Variants in PPP2R5E observed in about 807,000 individuals in gnomAD.
PPP2R5E encodes the protein serine/threonine-protein phosphatase 2A 56 kDa regulatory subunit epsilon isoform.
Under a neutral mutation model 65.3 loss-of-function variants are expected in PPP2R5E, and 4 were observed. That is an observed-to-expected ratio of 0.06 (90% CI 0.03 to 0.14). The LOEUF (loss-of-function observed/expected upper bound fraction) is 0.14. PPP2R5E is among the 10% of genes least tolerant of loss of function. PPP2R5E has a pLI of 1.00. For synonymous variants in PPP2R5E, 183 were observed against 187.4 expected (o/e 0.98, Z 0.19); for missense variants, 274 against 556.1 (o/e 0.49, Z 5.10).
chr14:63,503,208 T>C (rs1891983467), intron 2 of PPP2R5E, among the ~76,000 whole-genome samples: 1 of 151,978 alleles, frequency 6.6e-6, no homozygotes. Flanking sequence ...ATCATCAGAG[T>C]GAGCTAGACT....
At chr14:63,378,570 T>C (rs531715964) in intron 13 of PPP2R5E, among the ~76,000 whole-genome samples, 23 of 152,342 alleles carry the variant, frequency 1.5e-4, no homozygotes, top group African/African-American at 5.5e-4. Context: ...TGCTCAGTTA[T>C]CACACGGCTT....
At chr14:63,519,564 G>C (rs1566758656) in intron 2 of PPP2R5E, among the ~76,000 whole-genome samples, 1 of 147,950 alleles carries the variant, frequency 6.8e-6, no homozygotes, top group Non-Finnish European at 1.5e-5. Flanking sequence ...GTGTTGGCCA[G>C]GGGGGTCTCG....
rs1271328674 is a variant in PPP2R5E at position 63,377,060 on chromosome 14, G to GGGGCGGAGATTGTGGT, written c.1305-968_1305-953dup. ...AGTCAGGAGAATCGCTTGAACCCGGGGGGCGGAGATTGTGGTGGACGGAGA... is the reference window on the plus strand; with the variant it reads ...AGTCAGGAGAATCGCTTGAACCCGGGGGGCGGAGATTGTGGTGGGCGGAGATTGTGGTGGACGGAGA... On this transcript the variant is annotated intron_variant, in intron 13 of 13. Transcript: ENST00000337537. 6.6e-5 allele frequency among the ~76,000 whole-genome samples: 10 copies of GGGGCGGAGATTGTGGT among 152,094 alleles called. No homozygotes were observed. The East Asian group carries it at 1.9e-3, about 29-fold the overall frequency.
chr14:63,537,788 T>C (rs777825928), intron 2 of PPP2R5E, among the ~76,000 whole-genome samples: 2 of 152,182 alleles, frequency 1.3e-5, no homozygotes, highest in Non-Finnish European at 2.9e-5. Context: ...CTCATTGTGT[T>C]GTTCATATCC....
intron 2 of PPP2R5E, among the ~76,000 whole-genome samples, chr14:63,470,568 A>C (rs191702514): frequency 2.2e-3 from 337 of 152,114 alleles, no homozygotes; most frequent in African/African-American, 7.4e-3. Flanking sequence ...TTATATTATT[A>C]AAAAATACTT....
At chr14:63,435,591 AC>A (rs1347057458) in intron 3 of PPP2R5E, among the ~76,000 whole-genome samples, 3 of 152,252 alleles carry the variant, frequency 2.0e-5, no homozygotes, top group African/African-American at 7.2e-5. Context: ...AAAAATCCTT[AC>A]AACTCCCTGC....
chr14:63,405,466 T>C (rs1886013631), intron 5 of PPP2R5E, among the ~76,000 whole-genome samples: 1 of 152,232 alleles, frequency 6.6e-6, no homozygotes, highest in Non-Finnish European at 1.5e-5. Flanking sequence ...TTGCATGATC[T>C]GCATAATTTA....
At chr14:63,531,407 T>C (rs1416200484) in intron 2 of PPP2R5E, among the ~76,000 whole-genome samples, 5 of 152,020 alleles carry the variant, frequency 3.3e-5, no homozygotes, top group Admixed American at 2.6e-4. Context: ...GTCCTTGCGA[T>C]GTATACATAT....
intron 11 of PPP2R5E, among the ~76,000 whole-genome samples, chr14:63,385,705 T>C (rs188062874): frequency 1.4e-4 from 21 of 152,312 alleles, no homozygotes; most frequent in Admixed American, 2.0e-4. Flanking sequence ...GTGCTCATTT[T>C]ACAGGTGAGG....
chr14:63,415,027 A>ATATT, intron 5 of PPP2R5E, 113 bp downstream of exon 5: 1 of 560,554 alleles, frequency 1.8e-6, no homozygotes, highest in African/African-American at 2.0e-5. Flanking sequence ...ATATATATAT[A>ATATT]TTTTGTGGGT....
chr14:63,508,491 C>T (rs549224735), intron 2 of PPP2R5E, among the ~76,000 whole-genome samples: 1 of 152,326 alleles, frequency 6.6e-6, no homozygotes, highest in East Asian at 1.9e-4. Flanking sequence ...CTACAATAAG[C>T]CTTTTCCATA....
chr14:63,463,782 G>A lies in PPP2R5E; in HGVS notation c.158-9897C>T, dbSNP rs138860501. On this transcript the variant is annotated intron_variant, in intron 2 of 13. Transcript: ENST00000337537. ...CGGCTACTTTTTTGTATTTTTAGTA[G>A]AGACGGGGTTTCACCGTGTTCGCCA... Among the ~76,000 whole-genome samples, 1,447 of 151,944 alleles carry A rather than the reference G, an allele frequency of 9.5e-3. 30 individuals carry two copies. The highest frequency in any genetic ancestry group is 0.034 in the African/African-American group (1,391 of 41,428).
chr14:63,522,867 T>G (rs1386738227), intron 2 of PPP2R5E, among the ~76,000 whole-genome samples: 3 of 123,226 alleles, frequency 2.4e-5, no homozygotes, highest in South Asian at 2.8e-4. Flanking sequence ...GTGGGGGGGG[T>G]CAGCCCCCCG....
At chr14:63,511,354 C>T (rs912821338) in intron 2 of PPP2R5E, among the ~76,000 whole-genome samples, 2 of 152,178 alleles carry the variant, frequency 1.3e-5, no homozygotes, top group African/African-American at 4.8e-5. Context: ...TGATGAGACT[C>T]ACAAAGCCCA....
At chr14:63,435,052 T>C (rs1196933072) in intron 3 of PPP2R5E, among the ~76,000 whole-genome samples, 1 of 152,082 alleles carries the variant, frequency 6.6e-6, no homozygotes, top group Non-Finnish European at 1.5e-5. Flanking sequence ...ATAATGTATA[T>C]ATAGTAAGAT....
chr14:63,433,611 GC>G (rs534592403), intron 3 of PPP2R5E, among the ~76,000 whole-genome samples: 132 of 152,012 alleles, frequency 8.7e-4, no homozygotes, highest in Non-Finnish European at 1.4e-3. Flanking sequence ...AGAAAGGTGC[GC>G]GCTGCTCTCA....
intron 3 of PPP2R5E, among the ~76,000 whole-genome samples, chr14:63,425,613 C>T (rs959102049): frequency 3.4e-4 from 52 of 152,218 alleles, no homozygotes; most frequent in African/African-American, 1.1e-3. Context: ...GTCCACTGCA[C>T]GCTGCAGCAA....
intron 2 of PPP2R5E, among the ~76,000 whole-genome samples, chr14:63,492,478 C>A (rs952994937): frequency 6.6e-6 from 1 of 152,060 alleles, no homozygotes; most frequent in Non-Finnish European, 1.5e-5. Flanking sequence ...GCTCTGAGGC[C>A]TCTTATAAAA....
chr14:63,433,039 T>TTC (rs1180500248), intron 3 of PPP2R5E, among the ~76,000 whole-genome samples: 3 of 139,986 alleles, frequency 2.1e-5, no homozygotes, highest in African/African-American at 8.4e-5. Flanking sequence ...TTTGTTTTTT[T>TTC]TTTTTTTTTT....
Sources: allele counts gnomAD v4.1 joint callset (sites outside exome capture counted in the v4.1 genomes callset), GRCh38; gene constraint gnomAD v4.1.1; transcripts MANE v1.5; gene names NCBI Gene and HGNC (gene_info 2026-07-23, HGNC 2026-07-21).